Variants in CREB5 observed in about 807,000 individuals in gnomAD.
CREB5 encodes cyclic AMP-responsive element-binding protein 5.
In CREB5, 19 loss-of-function variants were observed where a neutral mutation model predicts 57.1. That is an observed-to-expected ratio of 0.33 (90% CI 0.23 to 0.49). CREB5 has a LOEUF of 0.49. CREB5 is among the 20% of genes least tolerant of loss of function. The pLI is 0.99. For synonymous variants in CREB5, 238 were observed against 238.3 expected (o/e 1.00, Z 0.01); for missense variants, 579 against 671.6 (o/e 0.86, Z 1.52).
chr7:28,659,067 TC>T (rs2128711954), intron 5 of CREB5, among the ~76,000 whole-genome samples: 1 of 150,466 alleles, frequency 6.6e-6, no homozygotes, highest in East Asian at 2.0e-4. Context: ...TTGGTCCTCT[TC>T]CTCAGAACAC....
At chr7:28,716,107 C>T (rs1365342456) in intron 5 of CREB5, among the ~76,000 whole-genome samples, 1 of 151,976 alleles carries the variant, frequency 6.6e-6, no homozygotes, top group Non-Finnish European at 1.5e-5. Context: ...ATTCGCGTAA[C>T]CATTAAGTTG....
At position 28,820,148 on chromosome 7, in the gene CREB5, A is replaced by C. The variant is rs1809678275; in HGVS notation, c.*869A>C. 1 of 152,472 alleles carries C rather than the reference A, an allele frequency of 6.6e-6. No individual in the cohort carries two copies. The highest frequency in any genetic ancestry group is 2.1e-4 in the South Asian group (1 of 4,830). 9.4% of individuals were successfully genotyped at this position (152,472 alleles called of 1,614,324 possible). A position where few individuals can be genotyped will look rare whatever the true frequency, so the allele number is the denominator to read the frequency against. ...GCCTGATTTAATGTTTTTAATAATC[A>C]CAGCAAATGAAAGGTGGTTTAGTTA... On this transcript the variant is annotated 3_prime_UTR_variant, in exon 11 of 11. Coordinates refer to ENST00000357727, the MANE Select transcript of CREB5 (RefSeq NM_182898.4).
chr7:28,653,177 T>C (rs1355650189), intron 5 of CREB5, among the ~76,000 whole-genome samples: 1 of 152,232 alleles, frequency 6.6e-6, no homozygotes, highest in Non-Finnish European at 1.5e-5. Flanking sequence ...ACACCAACTC[T>C]TATTCTGGAA....
At chr7:28,764,192 A>ATTAT (rs1805824838) in intron 7 of CREB5, among the ~76,000 whole-genome samples, 1 of 152,156 alleles carries the variant, frequency 6.6e-6, no homozygotes, top group Admixed American at 6.6e-5. Context: ...AGATACAAAA[A>ATTAT]TTATTTTTTA....
chr7:28,479,482 G>C (rs1487690318), intron 1 of CREB5, among the ~76,000 whole-genome samples: 2 of 152,222 alleles, frequency 1.3e-5, no homozygotes, highest in Non-Finnish European at 2.9e-5. Context: ...CGAATGATGA[G>C]AGAATCTTCA....
At chr7:28,312,611 T>TC (rs1785301751) in intron 1 of CREB5, among the ~76,000 whole-genome samples, 1 of 152,186 alleles carries the variant, frequency 6.6e-6, no homozygotes, top group Admixed American at 6.5e-5. Flanking sequence ...TGAGGCTTTT[T>TC]CATCTGTAAA....
Position 28,804,191 on chromosome 7 carries a change from T to C in CREB5, c.703-8T>C, listed in dbSNP as rs1808550396. On this transcript the variant is annotated splice_polypyrimidine_tract_variant and splice_region_variant and intron_variant, in intron 7 of 10. Transcript: ENST00000357727. ...TTGTTCTCTCTCCTCCCTTTTGTTC[T>C]GTTTCAGAGGTTGAAGGCTGCATTG... 12 of 1,608,182 alleles carry C rather than the reference T, an allele frequency of 7.5e-6. No individual in the cohort carries two copies. Among genetic ancestry groups the C allele is most frequent in the African/African-American group, 1.3e-5 (1 of 74,822 alleles).
At chr7:28,516,041 G>A (rs1048907652) in intron 4 of CREB5, among the ~76,000 whole-genome samples, 4 of 151,784 alleles carry the variant, frequency 2.6e-5, no homozygotes, top group Admixed American at 6.6e-5. Flanking sequence ...GACCTCTTCT[G>A]TATTAAAAAT....
chr7:28,410,956 T>C (rs1227139405), upstream of CREB5, among the ~76,000 whole-genome samples: 9 of 151,990 alleles, frequency 5.9e-5, no homozygotes, highest in African/African-American at 2.2e-4. Flanking sequence ...GTCTACACCG[T>C]TATCACTCTA....
intron 7 of CREB5, among the ~76,000 whole-genome samples, chr7:28,785,507 G>C (rs1199870437): frequency 6.6e-6 from 1 of 152,172 alleles, no homozygotes; most frequent in African/African-American, 2.4e-5. Flanking sequence ...ATAAAGCGAT[G>C]GTTGTTCTTT....
chr7:28,709,586 A>G (rs1477830502), intron 5 of CREB5, among the ~76,000 whole-genome samples: 1 of 152,148 alleles, frequency 6.6e-6, no homozygotes, highest in African/African-American at 2.4e-5. Context: ...GATGCAGTGT[A>G]TATGCTATAA....
intron 5 of CREB5, among the ~76,000 whole-genome samples, chr7:28,704,947 A>C (rs530248953): frequency 1.3e-5 from 2 of 152,340 alleles, no homozygotes; most frequent in South Asian, 4.1e-4. Context: ...TGGTGTATTC[A>C]TATTCAAAGC....
chr7:28,385,804 C>T (rs1045668201), intron 1 of CREB5, among the ~76,000 whole-genome samples: 1 of 151,896 alleles, frequency 6.6e-6, no homozygotes, highest in South Asian at 2.1e-4. Flanking sequence ...AGAATGTTAG[C>T]ACCACATGGT....
chr7:28,425,844 C>T (rs2128013067), intron 1 of CREB5, among the ~76,000 whole-genome samples: 1 of 152,300 alleles, frequency 6.6e-6, no homozygotes, highest in East Asian at 1.9e-4. Context: ...CCAACTGCGC[C>T]TTTGACATTT....
chr7:28,560,990 GTGTGCC>G (rs1233882301), intron 4 of CREB5, among the ~76,000 whole-genome samples: 18 of 69,410 alleles, frequency 2.6e-4, no homozygotes, highest in East Asian at 4.3e-4. Flanking sequence ...GCGTGCGTGT[GTGTGCC>G]TGCGTGTGCG....
chr7:28,379,514 T>C (rs1786915958), intron 1 of CREB5, among the ~76,000 whole-genome samples: 1 of 152,242 alleles, frequency 6.6e-6, no homozygotes, highest in South Asian at 2.1e-4. Context: ...GTCAGATGCT[T>C]CCTCTGCTTA....
intron 1 of CREB5, among the ~76,000 whole-genome samples, chr7:28,350,735 G>C (rs1311792965): frequency 6.6e-6 from 1 of 152,048 alleles, no homozygotes; most frequent in African/African-American, 2.4e-5. Flanking sequence ...AGCTTCAAGG[G>C]TAGGCAAGGA....
At chr7:28,674,829 A>G (rs1311563156) in intron 5 of CREB5, among the ~76,000 whole-genome samples, 2 of 152,232 alleles carry the variant, frequency 1.3e-5, no homozygotes, top group Non-Finnish European at 1.5e-5. Context: ...TAAAAATCAG[A>G]TTATGCTAGT....
At chr7:28,413,092 A>ATGTGTGTGTGTGTGTGTGTGTG (rs10599936) in intron 1 of CREB5, among the ~76,000 whole-genome samples, 175 bp downstream of exon 1, 1 of 147,212 alleles carries the variant, frequency 6.8e-6, no homozygotes, top group Non-Finnish European at 1.5e-5. Context: ...ATGTGGAAGG[A>ATGTGTGTGTGTGTGTGTGTGTG]TGTGTGTGTG....
Sources: gnomAD v4.1 joint callset for allele counts (sites outside exome capture counted in the v4.1 genomes callset) on GRCh38, gnomAD v4.1.1 for gene constraint, MANE v1.5 for transcripts, NCBI Gene and HGNC (gene_info 2026-07-23, HGNC 2026-07-21) for gene names.